MAP3K6: variants seen among roughly 807,000 people sequenced by gnomAD.
MAP3K6 encodes apoptosis signal-regulating kinase 2.
In MAP3K6, 105 loss-of-function variants were observed where a neutral mutation model predicts 147.1. That is an observed-to-expected ratio of 0.71 (90% CI 0.61 to 0.84). The LOEUF (loss-of-function observed/expected upper bound fraction) is 0.84, where lower values mean the gene tolerates loss of function less well. Among genes scored for constraint, MAP3K6 ranks in the 40% least tolerant of loss-of-function variants. The probability of loss-of-function intolerance (pLI) is 0.00; values close to 1 mark genes in which losing one functional copy is unlikely to be tolerated. For synonymous variants in MAP3K6, 695 were observed against 732.4 expected (o/e 0.95, Z 0.82); for missense variants, 1,569 against 1,715.0 (o/e 0.91, Z 1.50).
At position 27,357,580 on chromosome 1, in the gene MAP3K6, A is replaced by G. The variant is rs1248455603; in HGVS notation, c.3082-4T>C. On this transcript the variant is annotated splice_polypyrimidine_tract_variant and splice_region_variant and intron_variant, in intron 22 of 28. Coordinates refer to ENST00000357582, the MANE Select transcript of MAP3K6 (RefSeq NM_004672.5). ...GGTTTCTGCCCAGACGGGCCCCCTG[A>G]GAAGGAAGAGAGGGGTTGTCAGCGA... The G allele has an allele frequency of 6.2e-7, 1 of 1,605,342 alleles. No homozygotes were observed. Among genetic ancestry groups the G allele is most frequent in the East Asian group, 2.2e-5 (1 of 44,678 alleles).
rs201538365 is a variant in MAP3K6 at position 27,358,693 on chromosome 1, C to T, written c.2583+16G>A. The T allele has an allele frequency of 1.0e-3, 1,678 of 1,613,504 alleles. 23 individuals are homozygous for T. The South Asian group carries it at 0.014, about 13-fold the overall frequency. Reference sequence around the variant, plus strand: ...CCCTATGCCACTTCCATGGGCCAGGCCCAAAGAGGTCTCACCTGAAACATG... The same window carrying T: ...CCCTATGCCACTTCCATGGGCCAGGTCCAAAGAGGTCTCACCTGAAACATG... On this transcript the variant is annotated intron_variant, in intron 19 of 28. Transcript: ENST00000357582. This position sits in a 1 kb window ranked among gnomAD's most constrained non-coding sequence, Gnocchi z 6.2.
chr1:27,355,953 A>G (rs1185775304), intron 27 of MAP3K6, 73 bp downstream of exon 27: 2 of 1,413,212 alleles, frequency 1.4e-6, no homozygotes, highest in Non-Finnish European at 2.0e-6. Context: ...GCACAGTAGA[A>G]GAGCAGGAAG....
In MAP3K6 at chr1:27,363,562, C is replaced by T. The variant is rs200719085; in HGVS notation, c.865-14G>A. 1.0e-4 allele frequency: 166 copies of T among 1,592,598 alleles called. No individual in the cohort carries two copies. The South Asian group carries it at 1.1e-3, about 11-fold the overall frequency. ...GGCCGAGTAGTCCTGCATCAGGGAA[C>T]GGCAAGCACTGGCATCATGGGCCTC... On this transcript the variant is annotated splice_polypyrimidine_tract_variant and intron_variant, in intron 5 of 28. Coordinates refer to ENST00000357582, the MANE Select transcript of MAP3K6 (RefSeq NM_004672.5).
Position 27,356,108 on chromosome 1 carries a change from A to G in MAP3K6, c.3638-9T>C. 6.2e-7 allele frequency: 1 copy of G among 1,613,718 alleles called. No homozygotes were observed. Among genetic ancestry groups the G allele is most frequent in the Non-Finnish European group, 8.5e-7 (1 of 1,179,642 alleles). Reference sequence around the variant, plus strand: ...GTCCGTTGAAAGAGCAGCTGTCAAGAAGCAGTCAGGTGATGAGCCCAAGAG... The same window carrying G: ...GTCCGTTGAAAGAGCAGCTGTCAAGGAGCAGTCAGGTGATGAGCCCAAGAG... On this transcript the variant is annotated splice_polypyrimidine_tract_variant and intron_variant, in intron 26 of 28. Coordinates refer to ENST00000357582, the MANE Select transcript of MAP3K6 (RefSeq NM_004672.5).
Position 27,358,675 on chromosome 1 carries a change from C to A in MAP3K6, c.2583+34G>T, listed in dbSNP as rs1162651854. 3.7e-6 allele frequency: 6 copies of A among 1,613,574 alleles called. No homozygotes were observed. The highest frequency in any genetic ancestry group is 5.1e-6 in the Non-Finnish European group (6 of 1,179,932). The stretch of plus-strand genomic sequence containing the variant: ...GTCCAAGGCCCAGGCTGGCCCTATG[C>A]CACTTCCATGGGCCAGGCCCAAAGA... On this transcript the variant is annotated intron_variant, in intron 19 of 28. Transcript: ENST00000357582. This position sits in a 1 kb window ranked among gnomAD's most constrained non-coding sequence, Gnocchi z 6.2.
At position 27,355,429 on chromosome 1, in the gene MAP3K6, G is replaced by A. The variant is rs748479770; in HGVS notation, c.3829C>T (p.Gln1277Ter). 6.2e-7 allele frequency: 1 copy of A among 1,614,156 alleles called. No homozygotes were observed. Among genetic ancestry groups the A allele is most frequent in the Admixed American group, 1.7e-5 (1 of 60,012 alleles). ...VCRIWRAILAQRAGSTPVTSG... is the reference protein window; with the variant it reads ...VCRIWRAILA ...GTGACTGGTGTGGATCCTGCTCGCT[G>A]TGCCAAGATGGCCCTCCAGATGCGG... is the stretch of plus-strand genomic sequence containing the variant. The change falls in exon 29 of 29, where the codon CAG becomes TAG. Residue 1277 changes from glutamine (Q) to a stop codon, truncating the protein, a stop_gained. Transcript: ENST00000357582. LOFTEE classifies it high-confidence loss of function.
Position 27,357,041 on chromosome 1 carries a change from G to A in MAP3K6, c.3332C>T (p.Ala1111Val), listed in dbSNP as rs761564649. 1.9e-5 allele frequency: 30 copies of A among 1,614,040 alleles called. No homozygotes were observed. The highest frequency in any genetic ancestry group is 8.3e-5 in the Admixed American group (5 of 60,024). ...TAGCACACCCAGGGCTGCCCGCACA[G>A]CACGGCTGAGCAGTGAGTCCAGAAC... ...MFVLDSLLSR[A>V]VRAALGVLGP... Residue 1111 changes from alanine (A) to valine (V), a missense_variant, in exon 24 of 29, where the codon GCT becomes GTT. By Grantham distance (64) the Ala-to-Val change is moderately conservative (BLOSUM62 0). Transcript: ENST00000357582.
rs201496163 is a variant in MAP3K6, at chr1:27,360,668, G to A, written c.2054+37C>T. The stretch of plus-strand genomic sequence containing the variant: ...GTGGCCCGGCTCACTCGGCCCTCGC[G>A]AGCCCTCAGCCCCACCCGCGCTGCC... On this transcript the variant is annotated intron_variant, in intron 15 of 28. Transcript: ENST00000357582. The surrounding 1 kb of genome is among the most constrained non-coding windows in gnomAD (Gnocchi z 4.5). 4 of 1,590,056 alleles carry A rather than the reference G, an allele frequency of 2.5e-6. No individual in the cohort carries two copies. In the African/African-American group the frequency reaches 4.0e-5, roughly 16 times the overall value.
rs887631686 is a variant in MAP3K6 at position 27,364,510 on chromosome 1, C to A, written c.505-116G>T. On this transcript the variant is annotated intron_variant, in intron 3 of 28. Coordinates refer to ENST00000357582, the MANE Select transcript of MAP3K6 (RefSeq NM_004672.5). The surrounding 1 kb of genome is among the most constrained non-coding windows in gnomAD (Gnocchi z 4.4). ...GAATTGGAATCGCAGGAAAGGGGCA[C>A]CCGTCATGAGAGGAGGCAACAGGAA... 17 of 1,536,594 alleles carry A rather than the reference C, an allele frequency of 1.1e-5. No individual in the cohort carries two copies. The Admixed American group carries it at 2.5e-4, about 23-fold the overall frequency.
rs750314284 is a variant in MAP3K6 at position 27,356,374 on chromosome 1, CA to C, written c.3637+13del. The C allele has an allele frequency of 4.4e-6, 7 of 1,591,752 alleles. No individual in the cohort carries two copies. The South Asian group carries it at 8.0e-5, about 18-fold the overall frequency. ...GAACCCACCAATAATGTTCTCCAGC[CA>C]AGGCCCACTCACTTGGAGGCTCTGG... On this transcript the variant is annotated intron_variant, in intron 26 of 28. Transcript: ENST00000357582.
Position 27,358,755 on chromosome 1 carries a change from C to A in MAP3K6, c.2537G>T (p.Arg846Leu). Residue 846 changes from arginine to leucine, a missense_variant, in exon 19 of 29, where the codon CGC becomes CTC. Coordinates refer to ENST00000357582, the MANE Select transcript of MAP3K6 (RefSeq NM_004672.5). The surrounding 1 kb of genome is among the most constrained non-coding windows in gnomAD (Gnocchi z 6.2). ...GCTCCCGAGCTCGTGGAAGGGGGGG[C>A]GACCTGTGGCCATCTCAATGACAGT... ...GCTVIEMATGRPPFHELGSPQ... is the reference protein window; with the variant it reads ...GCTVIEMATGLPPFHELGSPQ... 6.2e-7 allele frequency: 1 copy of A among 1,613,898 alleles called. No homozygotes were observed. The highest frequency in any genetic ancestry group is 8.5e-7 in the Non-Finnish European group (1 of 1,179,974).
chr1:27,358,856 C>T lies in MAP3K6; in HGVS notation c.2436G>A (p.Gln812=), dbSNP rs199639606. The stretch of plus-strand genomic sequence containing the variant: ...GGTCAATGATTTCTGGGGCCATATA[C>T]TGCAGAGTTCCTAGGACAGAAACAG... ...PCTETFTGTL[Q]YMAPEIIDQG... Residue 812 remains glutamine, a synonymous_variant, in exon 19 of 29, where the codon CAG becomes CAA. Transcript: ENST00000357582. The surrounding 1 kb of genome is among the most constrained non-coding windows in gnomAD (Gnocchi z 6.2). 5 of 1,579,030 alleles carry T rather than the reference C, an allele frequency of 3.2e-6. No individual in the cohort carries two copies. Among genetic ancestry groups the T allele is most frequent in the Non-Finnish European group, 4.3e-6 (5 of 1,162,022 alleles).
chr1:27,357,680 C>T, intron 22 of MAP3K6, 31 bp downstream of exon 22: 1 of 1,604,314 alleles, frequency 6.2e-7, no homozygotes, highest in East Asian at 2.2e-5. Context: ...CCCTTTGCGA[C>T]CACCAGGGGG....
intron 9 of MAP3K6, 86 bp from the exon 10 acceptor site, chr1:27,361,953 C>T (rs940658310): frequency 1.5e-5 from 22 of 1,500,096 alleles, no homozygotes; most frequent in Non-Finnish European, 2.0e-5. Context: ...ATAGCTAGAA[C>T]GTTGGCATGG....
Position 27,360,494 on chromosome 1 carries a change from C to A in MAP3K6, c.2055-126G>T, listed in dbSNP as rs114065221. 32,599 of 1,358,822 alleles carry A rather than the reference C, an allele frequency of 0.024. 490 individuals carry two copies. Among genetic ancestry groups the A allele is most frequent in the Middle Eastern group, 0.053 (200 of 3,790 alleles). 84.2% of individuals were successfully genotyped at this position (1,358,822 alleles called of 1,614,324 possible). A position where few individuals can be genotyped will look rare whatever the true frequency, so the allele number is the denominator to read the frequency against. Reference sequence around the variant, plus strand: ...ACAAGCCCTCTCCGACCTTCCCCACCCTTACTACCCTGCCCACAGGACCCT... The same window carrying A: ...ACAAGCCCTCTCCGACCTTCCCCACACTTACTACCCTGCCCACAGGACCCT... On this transcript the variant is annotated intron_variant, in intron 15 of 28. Coordinates refer to ENST00000357582, the MANE Select transcript of MAP3K6 (RefSeq NM_004672.5). This position sits in a 1 kb window ranked among gnomAD's most constrained non-coding sequence, Gnocchi z 4.5.
At position 27,366,752 on chromosome 1, in the gene MAP3K6, G is replaced by T; in HGVS notation, c.-155C>A. Reference sequence around the variant, plus strand: ...GATCCGGAATACGGCCTGACGTCCCGTTCCAGGAATCTAAAGTCCAGGGAG... The same window carrying T: ...GATCCGGAATACGGCCTGACGTCCCTTTCCAGGAATCTAAAGTCCAGGGAG... On this transcript the variant is annotated 5_prime_UTR_variant, in exon 1 of 29. Coordinates refer to ENST00000357582, the MANE Select transcript of MAP3K6 (RefSeq NM_004672.5). The surrounding 1 kb of genome is among the most constrained non-coding windows in gnomAD (Gnocchi z 5.5). The T allele has an allele frequency of 4.4e-6, 2 of 457,996 alleles. No homozygotes were observed. The highest frequency in any genetic ancestry group is 5.8e-6 in the Non-Finnish European group (2 of 344,636). 28.4% of individuals were successfully genotyped at this position (457,996 alleles called of 1,614,324 possible). A position where few individuals can be genotyped will look rare whatever the true frequency, so the allele number is the denominator to read the frequency against.
In MAP3K6 at chr1:27,361,646, T is replaced by C; in HGVS notation, c.1579-19A>G. ...CCAGCACCTGCAGGCAGTTGGGGAG[T>C]GGGGTCAGTCAGAAGGGGCTTACCC... is the stretch of plus-strand genomic sequence containing the variant. On this transcript the variant is annotated intron_variant, in intron 10 of 28. Coordinates refer to ENST00000357582, the MANE Select transcript of MAP3K6 (RefSeq NM_004672.5). 2 of 1,613,570 alleles carry C rather than the reference T, an allele frequency of 1.2e-6. No homozygotes were observed. The highest frequency in any genetic ancestry group is 1.7e-6 in the Non-Finnish European group (2 of 1,179,884).
At position 27,358,577 on chromosome 1, in the gene MAP3K6, C is replaced by A. The variant is rs781150055; in HGVS notation, c.2618G>T (p.Ser873Ile). The stretch of plus-strand genomic sequence containing the variant: ...GGCTTGGGCCTCGGCCGACAGAGAG[C>A]TGGGCATTGGCGGATGGACCTTGTA... ...GMYKVHPPMP[S>I]SLSAEAQAFL... Residue 873 changes from serine (S) to isoleucine (I), a missense_variant, in exon 20 of 29, where the codon AGC becomes ATC. Transcript: ENST00000357582. The surrounding 1 kb of genome is among the most constrained non-coding windows in gnomAD (Gnocchi z 6.2). The A allele has an allele frequency of 5.7e-5, 92 of 1,613,254 alleles. No individual in the cohort carries two copies. The highest frequency in any genetic ancestry group is 7.5e-5 in the Non-Finnish European group (89 of 1,179,808).
chr1:27,363,253 A>G (rs1270050831), intron 6 of MAP3K6, among the ~76,000 whole-genome samples, 189 bp downstream of exon 6: 1 of 152,130 alleles, frequency 6.6e-6, no homozygotes, highest in Non-Finnish European at 1.5e-5. Context: ...TACCACAGGC[A>G]GCACCACCTC....
Sources: allele counts gnomAD v4.1 joint callset (sites outside exome capture counted in the v4.1 genomes callset), GRCh38; gene constraint gnomAD v4.1.1; non-coding constraint Gnocchi (gnomAD v3.1); transcripts MANE v1.5; gene names NCBI Gene and HGNC (gene_info 2026-07-23, HGNC 2026-07-21).